The following ZNF385D variants were observed in gnomAD, a reference collection of about 807,000 sequenced individuals.
ZNF385D encodes the protein zinc finger protein 385D.
ZNF385D carries 15 observed loss-of-function variants against 35.8 expected under a neutral mutation model. The observed-to-expected ratio is 0.42, with a 90% CI of 0.28 to 0.64. ZNF385D has a LOEUF of 0.64. ZNF385D is among the 30% of genes least tolerant of loss of function. The pLI, the probability that ZNF385D is intolerant of heterozygous loss-of-function variation, is 0.23. For missense variants in ZNF385D, 474 were observed against 494.6 expected, an observed-to-expected ratio of 0.96 and a Z score of 0.39; for synonymous variants, 212 against 186.8, an observed-to-expected ratio of 1.13 and a Z score of -1.10.
intron 3 of ZNF385D, among the ~76,000 whole-genome samples, chr3:22,107,932 C>T (rs1328403542): frequency 6.6e-6 from 1 of 151,758 alleles, no homozygotes; most frequent in Non-Finnish European, 1.5e-5. Flanking sequence ...GTGAGGACTC[C>T]TCCCTCATGA....
At chr3:21,705,738 C>A (rs1268777866) in intron 1 of ZNF385D, among the ~76,000 whole-genome samples, 1 of 152,200 alleles carries the variant, frequency 6.6e-6, no homozygotes, top group African/African-American at 2.4e-5. Flanking sequence ...TCCACCACCC[C>A]CAAAATCCAC....
At chr3:22,121,989 G>A (rs1703111992) in intron 3 of ZNF385D, among the ~76,000 whole-genome samples, 1 of 152,042 alleles carries the variant, frequency 6.6e-6, no homozygotes, top group South Asian at 2.1e-4. Context: ...AATTCAAACT[G>A]GCTAGCTAAC....
intron 3 of ZNF385D, among the ~76,000 whole-genome samples, chr3:21,945,604 A>G (rs923061474): frequency 3.3e-5 from 5 of 152,210 alleles, no homozygotes; most frequent in Non-Finnish European, 5.9e-5. Context: ...TTTCTGGACT[A>G]AGAATTTTAC....
In ZNF385D at chr3:21,672,496, A is replaced by G. The variant is rs545144103; in HGVS notation, c.23-7468T>C. ...TCTCATACATCCTGCTTATGACCACAGAGAGGAATGAGGTGAGAATGGGAG... is the reference window on the plus strand; with the variant it reads ...TCTCATACATCCTGCTTATGACCACGGAGAGGAATGAGGTGAGAATGGGAG... On this transcript the variant is annotated intron_variant, in intron 1 of 7. Transcript: ENST00000281523. 1.4e-4 allele frequency among the ~76,000 whole-genome samples: 21 copies of G among 152,200 alleles called. 1 individual carries two copies. The highest frequency in any genetic ancestry group is 5.1e-4 in the African/African-American group (21 of 41,538).
intron 1 of ZNF385D, among the ~76,000 whole-genome samples, chr3:21,674,988 G>C (rs1056501811): frequency 6.6e-6 from 1 of 151,914 alleles, no homozygotes; most frequent in Non-Finnish European, 1.5e-5. Flanking sequence ...ACATGAAGCT[G>C]AATCATCACA....
chr3:21,592,491 G>C (rs2064005254), intron 2 of ZNF385D, among the ~76,000 whole-genome samples: 1 of 139,142 alleles, frequency 7.2e-6, no homozygotes, highest in Non-Finnish European at 1.5e-5. Context: ...TCTACAATAG[G>C]ATTTATATTT....
chr3:21,751,771 T>A (rs2070100179), upstream of ZNF385D, among the ~76,000 whole-genome samples: 1 of 152,094 alleles, frequency 6.6e-6, no homozygotes, highest in East Asian at 1.9e-4. Flanking sequence ...GAGTGTTCCC[T>A]GAGCTATTAT....
intron 3 of ZNF385D, among the ~76,000 whole-genome samples, chr3:21,918,894 C>T (rs942834571): frequency 6.6e-6 from 1 of 152,088 alleles, no homozygotes; most frequent in Non-Finnish European, 1.5e-5. Context: ...CTTTGTTACT[C>T]ATTAGCTTCA....
intron 2 of ZNF385D, among the ~76,000 whole-genome samples, chr3:21,596,717 G>T (rs946413830): frequency 6.6e-6 from 1 of 150,866 alleles, no homozygotes; most frequent in Non-Finnish European, 1.5e-5. Flanking sequence ...GGCCACAAGT[G>T]ATCCTCCTGC....
At chr3:21,476,217 C>T (rs532640612) in intron 4 of ZNF385D, among the ~76,000 whole-genome samples, 7 of 152,188 alleles carry the variant, frequency 4.6e-5, no homozygotes, top group African/African-American at 1.7e-4. Flanking sequence ...GAATTAAATC[C>T]ACTTTATTGG....
In ZNF385D at chr3:22,037,850, A is replaced by G. The variant is rs190214820; in HGVS notation, c.325+130967T>C. The stretch of plus-strand genomic sequence containing the variant: ...GGTTTTTATGGTTTTAGGTCTAACA[A>G]AACAGCATGGTACTGGTACCAAAAC... On this transcript the variant is annotated intron_variant, in intron 3 of 5. Coordinates refer to the ZNF385D transcript ENST00000494108. Among the ~76,000 whole-genome samples, 73 of 152,194 alleles carry G rather than the reference A, an allele frequency of 4.8e-4. 1 individual carries two copies. Among genetic ancestry groups the G allele is most frequent in the Middle Eastern group, 3.4e-3 (1 of 294 alleles).
At chr3:21,838,851 A>G (rs1217808518) in intron 3 of ZNF385D, among the ~76,000 whole-genome samples, 1 of 152,096 alleles carries the variant, frequency 6.6e-6, no homozygotes, top group Non-Finnish European at 1.5e-5. Context: ...AAGTGTGAGA[A>G]AAGATGCTTC....
At chr3:21,865,884 A>G (rs1312198559) in intron 3 of ZNF385D, among the ~76,000 whole-genome samples, 4 of 152,162 alleles carry the variant, frequency 2.6e-5, no homozygotes, top group Non-Finnish European at 5.9e-5. Context: ...GCTTAAAGCT[A>G]TCACTTATCC....
chr3:21,694,658 T>C (rs2067408782), intron 1 of ZNF385D, among the ~76,000 whole-genome samples: 1 of 152,198 alleles, frequency 6.6e-6, no homozygotes, highest in African/African-American at 2.4e-5. Flanking sequence ...ACTTGAGTGC[T>C]CATTTGTGTG....
intron 3 of ZNF385D, among the ~76,000 whole-genome samples, chr3:22,103,053 C>A (rs1044351371): frequency 1.2e-3 from 181 of 151,382 alleles, no homozygotes; most frequent in African/African-American, 4.1e-3. Flanking sequence ...CAACTAAAGT[C>A]AAGACTGATT....
At chr3:22,321,706 C>A (rs192783741) in intron 2 of ZNF385D, among the ~76,000 whole-genome samples, 1 of 152,076 alleles carries the variant, frequency 6.6e-6, no homozygotes, top group Non-Finnish European at 1.5e-5. Flanking sequence ...ATATTTTATT[C>A]CTTTCAACTT....
At chr3:22,144,298 G>T (rs1302035811) in intron 3 of ZNF385D, among the ~76,000 whole-genome samples, 1 of 152,050 alleles carries the variant, frequency 6.6e-6, no homozygotes, top group Non-Finnish European at 1.5e-5. Flanking sequence ...ATGTGGTCAG[G>T]CATGGGAGCT....
intron 2 of ZNF385D, among the ~76,000 whole-genome samples, chr3:22,234,826 A>T (rs1276632709): frequency 1.3e-5 from 2 of 152,048 alleles, no homozygotes; most frequent in African/African-American, 4.8e-5. Flanking sequence ...TACATTGTGA[A>T]TGCTCAATAA....
At chr3:21,772,944 G>A (rs906365091) in intron 3 of ZNF385D, among the ~76,000 whole-genome samples, 4 of 151,822 alleles carry the variant, frequency 2.6e-5, no homozygotes, top group Non-Finnish European at 5.9e-5. Flanking sequence ...AAGTGAAATA[G>A]CCAATCACTA....
Sources: gnomAD v4.1 joint callset for allele counts (sites outside exome capture counted in the v4.1 genomes callset) on GRCh38, gnomAD v4.1.1 for gene constraint, MANE v1.5 for transcripts, NCBI Gene and HGNC (gene_info 2026-07-23, HGNC 2026-07-21) for gene names.